FER: variants seen among roughly 807,000 people sequenced by gnomAD.
The protein encoded by FER is tyrosine-protein kinase Fer.
A neutral mutation model predicts 111.0 loss-of-function variants in FER; 63 were observed. The ratio of observed to expected loss-of-function variants is 0.57; its 90% CI spans 0.46 to 0.70. The LOEUF (loss-of-function observed/expected upper bound fraction) is 0.70, where lower values mean the gene tolerates loss of function less well. FER is among the 30% of genes least tolerant of loss of function. The probability of loss-of-function intolerance (pLI) is 0.00; values close to 1 mark genes in which losing one functional copy is unlikely to be tolerated. For missense variants in FER, 914 were observed against 954.0 expected (o/e 0.96, Z 0.55); for synonymous variants, 327 against 313.9 (o/e 1.04, Z -0.44).
At position 109,129,882 on chromosome 5, in the gene FER, A is replaced by G. The variant is rs150744621; in HGVS notation, c.2048+29363A>G. Among the ~76,000 whole-genome samples, 720 of 152,196 alleles carry G rather than the reference A, an allele frequency of 4.7e-3. 6 individuals carry two copies. The highest frequency in any genetic ancestry group is 0.017 in the African/African-American group (688 of 41,558). On this transcript the variant is annotated intron_variant, in intron 17 of 19. Coordinates refer to ENST00000281092, the MANE Select transcript of FER (RefSeq NM_005246.4). ...GCCCATCATATTGTTGTTTATAATG[A>G]CAAATTTTTGGGAAAATCCTACATC...
intron 10 of FER, among the ~76,000 whole-genome samples, chr5:108,932,596 C>T (rs1307903560): frequency 2.6e-5 from 4 of 152,214 alleles, no homozygotes; most frequent in Non-Finnish European, 5.9e-5. Flanking sequence ...GGAATTGCCA[C>T]ATTGTCTTCC....
intron 5 of FER, chr5:108,843,011 T>C (rs1434536306): frequency 6.6e-6 from 1 of 152,234 alleles, no homozygotes; most frequent in Non-Finnish European, 1.5e-5. Flanking sequence ...TGTCCATCAA[T>C]AAACAAGTGG....
chr5:108,984,048 C>T (rs1483081410), intron 13 of FER, among the ~76,000 whole-genome samples: 1 of 152,102 alleles, frequency 6.6e-6, no homozygotes, highest in East Asian at 1.9e-4. Context: ...GCCTACTCTT[C>T]TTGAAATGTA....
chr5:109,131,184 G>T (rs180827374), intron 17 of FER, among the ~76,000 whole-genome samples: 5 of 152,170 alleles, frequency 3.3e-5, no homozygotes, highest in African/African-American at 7.2e-5. Context: ...CAAAATTGTA[G>T]GATTATTTAG....
chr5:108,841,169 G>A (rs1243832640), intron 5 of FER, among the ~76,000 whole-genome samples: 1 of 152,186 alleles, frequency 6.6e-6, no homozygotes, highest in African/African-American at 2.4e-5. Flanking sequence ...AGGTAATGCT[G>A]GCTTGAAGCA....
chr5:109,148,717 A>G (rs1754501054), intron 17 of FER, among the ~76,000 whole-genome samples: 1 of 152,158 alleles, frequency 6.6e-6, no homozygotes. Context: ...TAATTTCCTT[A>G]TGTAAAATAC....
intron 10 of FER, among the ~76,000 whole-genome samples, chr5:108,912,244 A>G (rs531384998): frequency 6.6e-6 from 1 of 152,342 alleles, no homozygotes; most frequent in East Asian, 1.9e-4. Flanking sequence ...CTTGTAGTAT[A>G]ATTTAAAGTC....
At chr5:108,787,729 A>T (rs192569799) in intron 2 of FER, among the ~76,000 whole-genome samples, 3 of 152,280 alleles carry the variant, frequency 2.0e-5, no homozygotes, top group Admixed American at 1.3e-4. Context: ...TGAGAGCTGG[A>T]TGCTTGTTGG....
At chr5:109,099,070 A>G (rs745672771) in intron 16 of FER, among the ~76,000 whole-genome samples, 6 of 151,686 alleles carry the variant, frequency 4.0e-5, no homozygotes, top group Non-Finnish European at 7.4e-5. Context: ...GGCAAATAAA[A>G]TGCTAATCTC....
At chr5:108,948,648 G>A (rs1393941712) in intron 11 of FER, among the ~76,000 whole-genome samples, 1 of 152,040 alleles carries the variant, frequency 6.6e-6, no homozygotes, top group Non-Finnish European at 1.5e-5. Flanking sequence ...CCAATTGAAA[G>A]TCTTTCAAAC....
chr5:108,773,001 C>G (rs575502513), intron 2 of FER, among the ~76,000 whole-genome samples: 1 of 152,294 alleles, frequency 6.6e-6, no homozygotes, highest in Admixed American at 6.5e-5. Context: ...TAAATACCCT[C>G]TCTCTCTGGT....
intron 10 of FER, among the ~76,000 whole-genome samples, chr5:108,928,161 C>A (rs896088974): frequency 6.6e-6 from 1 of 152,132 alleles, no homozygotes; most frequent in Non-Finnish European, 1.5e-5. Flanking sequence ...GGTGCTTGCT[C>A]CCAAATGCAG....
chr5:109,101,996 CTCT>C, intron 17 of FER, among the ~76,000 whole-genome samples: 1 of 152,010 alleles, frequency 6.6e-6, no homozygotes, highest in Non-Finnish European at 1.5e-5. Flanking sequence ...GTTACCATGA[CTCT>C]TCTTTAATTT....
At chr5:109,006,268 G>A (rs1439088667) in intron 13 of FER, among the ~76,000 whole-genome samples, 2 of 152,212 alleles carry the variant, frequency 1.3e-5, no homozygotes, top group African/African-American at 4.8e-5. Flanking sequence ...AATTGTAGCT[G>A]CCATAATTCC....
At chr5:109,002,050 A>G (rs1764848653) in intron 13 of FER, among the ~76,000 whole-genome samples, 3 of 151,820 alleles carry the variant, frequency 2.0e-5, no homozygotes, top group South Asian at 2.1e-4. Flanking sequence ...ATACTGCCCA[A>G]GGTAATTTAT....
At chr5:109,137,439 C>T (rs1197523726) in intron 17 of FER, among the ~76,000 whole-genome samples, 1 of 152,202 alleles carries the variant, frequency 6.6e-6, no homozygotes, top group Non-Finnish European at 1.5e-5. Flanking sequence ...TCACATATCA[C>T]CAAAGACTGT....
chr5:109,099,500 A>G (rs77670159), intron 16 of FER, among the ~76,000 whole-genome samples: 5,173 of 151,668 alleles, frequency 0.034, 141 homozygotes, highest in South Asian at 0.084. Context: ...GATATTTCAG[A>G]TGAAATTTAC....
chr5:109,063,904 C>G (rs17449999), intron 16 of FER, among the ~76,000 whole-genome samples: 3,438 of 152,144 alleles, frequency 0.023, 72 homozygotes, highest in Non-Finnish European at 0.029. Context: ...GATGTTATAT[C>G]TAAACCTAGA....
At position 108,946,166 on chromosome 5, in the gene FER, C is replaced by T. The variant is rs149466013; in HGVS notation, c.1273C>T (p.Arg425Cys). ...GAGGCTATCCAAATTTGAATCTATT[C>T]GTCATTCAATTGCTGGAATAATTAG... Reference protein sequence around the residue: ...KERLSKFESIRHSIAGIIRSP... With the variant: ...KERLSKFESICHSIAGIIRSP... The change falls in exon 11 of 20, where the codon CGT (arginine) becomes TGT (cysteine). Residue 425 changes from arginine to cysteine, a missense_variant. By Grantham distance (180) the Arg-to-Cys change is radical (BLOSUM62 -3). Around this residue, in one of 3 missense-constraint regions of FER, gnomAD observed 774 missense variants for 782.6 expected, o/e 0.99. Transcript: ENST00000281092. The T allele has an allele frequency of 4.3e-6, 7 of 1,612,182 alleles. No individual in the cohort carries two copies. The highest frequency in any genetic ancestry group is 1.7e-5 in the Admixed American group (1 of 59,948).
Sources: gnomAD v4.1 joint callset for allele counts (sites outside exome capture counted in the v4.1 genomes callset) on GRCh38, gnomAD v4.1.1 for gene constraint, gnomAD v4.1.1 regional missense constraint, MANE v1.5 for transcripts, NCBI Gene and HGNC (gene_info 2026-07-23, HGNC 2026-07-21) for gene names.